Variants in EHD4 observed in about 807,000 individuals in gnomAD.
The protein encoded by EHD4 is EH domain containing 4.
In EHD4, 37 loss-of-function variants were observed where a neutral mutation model predicts 51.0. That is an observed-to-expected ratio of 0.73 (90% CI 0.56 to 0.95). The LOEUF (loss-of-function observed/expected upper bound fraction) is 0.95, where lower values mean the gene tolerates loss of function less well. EHD4 is among the 40% of genes least tolerant of loss of function. EHD4 has a pLI of 0.00. For missense variants in EHD4, 632 were observed against 733.1 expected (o/e 0.86, Z 1.59); for synonymous variants, 297 against 317.3 (o/e 0.94, Z 0.68).
At chr15:41,968,046 G>T (rs2067972058) in intron 1 of EHD4, among the ~76,000 whole-genome samples, 1 of 152,132 alleles carries the variant, frequency 6.6e-6, no homozygotes, top group South Asian at 2.1e-4. Context: ...GAGTAGTTCT[G>T]CTTTCTGTTA....
At chr15:41,944,655 A>G (rs745491841) in intron 2 of EHD4, among the ~76,000 whole-genome samples, 1 of 152,220 alleles carries the variant, frequency 6.6e-6, no homozygotes, top group Non-Finnish European at 1.5e-5. Context: ...AAGATATAGA[A>G]AAAGACATTA....
intron 1 of EHD4, among the ~76,000 whole-genome samples, chr15:41,965,338 T>G (rs1336006971): frequency 6.6e-6 from 1 of 152,252 alleles, no homozygotes; most frequent in Non-Finnish European, 1.5e-5. Context: ...AAATTATATT[T>G]ACACAATCCT....
At chr15:41,962,070 A>T (rs1447596506) in intron 1 of EHD4, among the ~76,000 whole-genome samples, 14 of 152,354 alleles carry the variant, frequency 9.2e-5, no homozygotes, top group East Asian at 1.9e-4. Flanking sequence ...TACCTAATAC[A>T]TTAATAAGAG....
intron 3 of EHD4, among the ~76,000 whole-genome samples, chr15:41,932,848 C>T (rs1385497658): frequency 1.3e-5 from 2 of 152,202 alleles, no homozygotes; most frequent in East Asian, 1.9e-4. Context: ...TCCCAGGACT[C>T]GGCCATCCTC....
At chr15:41,916,190 T>G (rs2067582619) in intron 4 of EHD4, among the ~76,000 whole-genome samples, 1 of 152,234 alleles carries the variant, frequency 6.6e-6, no homozygotes, top group Admixed American at 6.5e-5. Flanking sequence ...TTGTAGGGTT[T>G]CTGTGGATGG....
At chr15:41,926,610 C>G (rs2067663384) in intron 3 of EHD4, among the ~76,000 whole-genome samples, 1 of 152,242 alleles carries the variant, frequency 6.6e-6, no homozygotes, top group Admixed American at 6.5e-5. Flanking sequence ...AGACGATCCC[C>G]ATCCCTTCTT....
At chr15:41,937,766 C>G (rs755708320) in intron 3 of EHD4, among the ~76,000 whole-genome samples, 1 of 152,146 alleles carries the variant, frequency 6.6e-6, no homozygotes, top group Non-Finnish European at 1.5e-5. Flanking sequence ...TGATTGTGGT[C>G]TGCTGGTGCC....
intron 2 of EHD4, 22 bp downstream of exon 2, chr15:41,953,742 A>G: frequency 6.4e-7 from 1 of 1,572,324 alleles, no homozygotes. Flanking sequence ...CTGACCGAAG[A>G]TGGCAGCTTG....
chr15:41,923,330 G>C (rs1325436704), intron 3 of EHD4, among the ~76,000 whole-genome samples: 4 of 152,124 alleles, frequency 2.6e-5, no homozygotes, highest in African/African-American at 7.2e-5. Context: ...TCCTCCTAAG[G>C]CTGAATAGGT....
At chr15:41,923,916 G>C (rs948732647) in intron 3 of EHD4, among the ~76,000 whole-genome samples, 5 of 152,146 alleles carry the variant, frequency 3.3e-5, no homozygotes, top group African/African-American at 1.2e-4. Flanking sequence ...TTCCTCTATG[G>C]TCTAGACTGA....
chr15:41,931,235 G>T (rs987080055), intron 3 of EHD4, among the ~76,000 whole-genome samples: 1 of 152,200 alleles, frequency 6.6e-6, no homozygotes, highest in African/African-American at 2.4e-5. Flanking sequence ...ACTGAGGCTG[G>T]GTGCAGTGGC....
At chr15:41,968,834 C>T (rs1461753082) in intron 1 of EHD4, among the ~76,000 whole-genome samples, 1 of 152,144 alleles carries the variant, frequency 6.6e-6, no homozygotes, top group Non-Finnish European at 1.5e-5. Flanking sequence ...TTACAGGGTG[C>T]ACTCCTTTAG....
intron 3 of EHD4, among the ~76,000 whole-genome samples, chr15:41,925,333 G>A (rs1243962213): frequency 2.6e-5 from 4 of 152,174 alleles, no homozygotes; most frequent in South Asian, 4.1e-4. Flanking sequence ...CACTCGAAGC[G>A]GCTAACCTGC....
intron 2 of EHD4, among the ~76,000 whole-genome samples, chr15:41,948,707 T>C (rs1309789363): frequency 6.6e-6 from 1 of 152,134 alleles, no homozygotes; most frequent in African/African-American, 2.4e-5. Flanking sequence ...TTTTTAAAAA[T>C]TCCCAGTGGT....
rs747053552 is a variant in EHD4, at chr15:41,972,241, G to A, written c.236+18C>T. The A allele has an allele frequency of 3.3e-6, 5 of 1,528,914 alleles. No individual in the cohort carries two copies. Among genetic ancestry groups the A allele is most frequent in the Non-Finnish European group, 3.5e-6 (4 of 1,134,126 alleles). The allele number at this position is 1,528,914 out of a possible 1,614,324, so 94.7% of individuals were successfully genotyped here. ...GGGCGGAGCGGGGCGGGAGCCGGGC[G>A]AGGGGCGGTGACGGTACCTGATGAA... On this transcript the variant is annotated intron_variant, in intron 1 of 5. Coordinates refer to ENST00000220325, the MANE Select transcript of EHD4 (RefSeq NM_139265.4).
At chr15:41,932,294 C>T (rs758972206) in intron 3 of EHD4, among the ~76,000 whole-genome samples, 3 of 152,166 alleles carry the variant, frequency 2.0e-5, no homozygotes, top group Admixed American at 6.5e-5. Flanking sequence ...CAGGGCTCCA[C>T]GTGAGTGGGC....
intron 3 of EHD4, among the ~76,000 whole-genome samples, chr15:41,930,798 G>A (rs1036231833): frequency 6.6e-6 from 1 of 152,136 alleles, no homozygotes; most frequent in African/African-American, 2.4e-5. Flanking sequence ...CCAGTCAGTG[G>A]GAACCATGGG....
At chr15:41,962,555 A>C (rs1048525823) in intron 1 of EHD4, among the ~76,000 whole-genome samples, 5 of 149,784 alleles carry the variant, frequency 3.3e-5, no homozygotes, top group East Asian at 2.0e-4. Context: ...AAAAAAAAAA[A>C]CCCACAACAA....
intron 4 of EHD4, among the ~76,000 whole-genome samples, chr15:41,916,102 G>A (rs991482529): frequency 6.6e-5 from 10 of 152,192 alleles, no homozygotes; most frequent in African/African-American, 2.4e-4. Flanking sequence ...ACCCAACTCA[G>A]ACTTGACATC....
Sources: allele counts gnomAD v4.1 joint callset (sites outside exome capture counted in the v4.1 genomes callset), GRCh38; gene constraint gnomAD v4.1.1; transcripts MANE v1.5; gene names NCBI Gene and HGNC (gene_info 2026-07-23, HGNC 2026-07-21).